GALNTL6: variants seen among roughly 807,000 people sequenced by gnomAD.
GALNTL6 encodes polypeptide N-acetylgalactosaminyltransferase-like 6.
In GALNTL6, 46 loss-of-function variants were observed where a neutral mutation model predicts 73.7. That is an observed-to-expected ratio of 0.62 (90% CI 0.49 to 0.80). GALNTL6 has a LOEUF of 0.80. Ranked by LOEUF, GALNTL6 falls within the 30% of genes least tolerant of loss-of-function variation. The pLI is 0.00. For missense variants in GALNTL6, 604 were observed against 755.0 expected, an observed-to-expected ratio of 0.80 and a Z score of 2.34; for synonymous variants, 259 against 263.7, an observed-to-expected ratio of 0.98 and a Z score of 0.17.
chr4:172,290,309 C>T (rs1256490040), intron 3 of GALNTL6, among the ~76,000 whole-genome samples: 1 of 152,134 alleles, frequency 6.6e-6, no homozygotes, highest in Non-Finnish European at 1.5e-5. Context: ...ACCATATTTG[C>T]TCTATCTGCA....
chr4:173,032,206 T>C (rs947143388), intron 12 of GALNTL6, among the ~76,000 whole-genome samples: 2 of 152,158 alleles, frequency 1.3e-5, no homozygotes, highest in African/African-American at 2.4e-5. Flanking sequence ...TCCCAGCACT[T>C]TGGGAGGCCG....
chr4:171,818,890 C>A (rs1465306977), intron 2 of GALNTL6, among the ~76,000 whole-genome samples: 1 of 151,950 alleles, frequency 6.6e-6, no homozygotes, highest in Non-Finnish European at 1.5e-5. Context: ...GGGGAGCCTT[C>A]TTTTTGAACA....
In GALNTL6 at chr4:172,892,533, G is replaced by A. The variant is rs564052255; in HGVS notation, c.1041+9626G>A. On this transcript the variant is annotated intron_variant, in intron 8 of 12. Coordinates refer to ENST00000506823, the MANE Select transcript of GALNTL6 (RefSeq NM_001034845.3). Reference sequence around the variant, plus strand: ...CCAGTAGACGGCGCTTAAGAGTAAGGGCCAGCAGATAGGCTCTTAGCCAAG... The same window carrying A: ...CCAGTAGACGGCGCTTAAGAGTAAGAGCCAGCAGATAGGCTCTTAGCCAAG... Among the ~76,000 whole-genome samples, 17 of 152,018 alleles carry A rather than the reference G, an allele frequency of 1.1e-4. No individual in the cohort carries two copies. The East Asian group carries it at 2.7e-3, about 24-fold the overall frequency.
chr4:172,400,741 G>C (rs1744006803), intron 5 of GALNTL6, among the ~76,000 whole-genome samples: 1 of 152,070 alleles, frequency 6.6e-6, no homozygotes, highest in Non-Finnish European at 1.5e-5. Flanking sequence ...CAGAAGGTTA[G>C]AGAGGAAAGC....
Position 172,635,359 on chromosome 4 carries a change from C to G in GALNTL6, c.554-174002C>G, listed in dbSNP as rs548550227. 9.2e-4 allele frequency among the ~76,000 whole-genome samples: 140 copies of G among 152,092 alleles called. 1 individual carries two copies. The South Asian group carries it at 0.021, about 23-fold the overall frequency. ...ACTGTCTCAGGTTAAATTTCTGGAACTTTATGGTAACTTGAAGGAATTTAA... is the reference window on the plus strand; with the variant it reads ...ACTGTCTCAGGTTAAATTTCTGGAAGTTTATGGTAACTTGAAGGAATTTAA... On this transcript the variant is annotated intron_variant, in intron 5 of 12. Transcript: ENST00000506823.
At chr4:172,606,593 C>CACATATAT (rs1337816197) in intron 5 of GALNTL6, among the ~76,000 whole-genome samples, 3 of 114,636 alleles carry the variant, frequency 2.6e-5, no homozygotes, top group Non-Finnish European at 3.7e-5. Flanking sequence ...TATATATATA[C>CACATATAT]ACATATATAC....
intron 10 of GALNTL6, among the ~76,000 whole-genome samples, chr4:173,000,052 C>G (rs1283728164): frequency 2.6e-5 from 4 of 152,126 alleles, no homozygotes; most frequent in Admixed American, 2.6e-4. Context: ...CTTACTACAT[C>G]TTGATACTAC....
chr4:171,819,981 G>A (rs115397614), intron 2 of GALNTL6, among the ~76,000 whole-genome samples: 1,921 of 152,190 alleles, frequency 0.013, 38 homozygotes, highest in African/African-American at 0.044. Flanking sequence ...TGACAGTAAA[G>A]ACACACTGTC....
chr4:172,167,997 G>A (rs556320116), intron 2 of GALNTL6, among the ~76,000 whole-genome samples: 1 of 150,888 alleles, frequency 6.6e-6, no homozygotes, highest in African/African-American at 2.4e-5. Context: ...AAACATTTCT[G>A]AGGCCAAATC....
chr4:171,935,836 A>G (rs1264944848), intron 2 of GALNTL6, among the ~76,000 whole-genome samples: 3 of 151,612 alleles, frequency 2.0e-5, no homozygotes, highest in Non-Finnish European at 2.9e-5. Flanking sequence ...TGTGGCTAGC[A>G]TTTTTGTTGC....
chr4:172,554,292 G>C (rs2110909414), intron 5 of GALNTL6, among the ~76,000 whole-genome samples: 1 of 152,250 alleles, frequency 6.6e-6, no homozygotes, highest in African/African-American at 2.4e-5. Context: ...TGGTGAATTG[G>C]TATGGTAAGG....
chr4:172,083,299 C>G (rs1023105018), intron 2 of GALNTL6, among the ~76,000 whole-genome samples: 2 of 152,142 alleles, frequency 1.3e-5, no homozygotes, highest in African/African-American at 4.8e-5. Context: ...AGAGACTGAT[C>G]CTTTTTATAC....
intron 5 of GALNTL6, among the ~76,000 whole-genome samples, chr4:172,722,102 T>A (rs1180501688): frequency 6.6e-6 from 1 of 152,088 alleles, no homozygotes; most frequent in Non-Finnish European, 1.5e-5. Context: ...ATCTTTTGTG[T>A]ACCCAGCAAT....
intron 7 of GALNTL6, among the ~76,000 whole-genome samples, chr4:172,854,503 A>G (rs929169715): frequency 6.6e-6 from 1 of 152,192 alleles, no homozygotes; most frequent in African/African-American, 2.4e-5. Context: ...TTATAAGAAT[A>G]TACATCATTA....
At chr4:172,903,712 T>A (rs958043486) in intron 8 of GALNTL6, among the ~76,000 whole-genome samples, 3 of 152,164 alleles carry the variant, frequency 2.0e-5, no homozygotes, top group Non-Finnish European at 2.9e-5. Flanking sequence ...TAGTTTGAGG[T>A]CCTTCAAGTT....
intron 5 of GALNTL6, among the ~76,000 whole-genome samples, chr4:172,672,006 T>G (rs1364025539): frequency 6.6e-6 from 1 of 152,174 alleles, no homozygotes; most frequent in African/African-American, 2.4e-5. Flanking sequence ...TTCTCATGCA[T>G]CAGTCTCCTG....
intron 3 of GALNTL6, among the ~76,000 whole-genome samples, chr4:172,241,570 G>A (rs2110993599): frequency 6.6e-6 from 1 of 152,264 alleles, no homozygotes; most frequent in Admixed American, 6.5e-5. Flanking sequence ...TTATTTTGGT[G>A]TTAGCATTGG....
chr4:172,411,828 G>T (rs1744447818), intron 5 of GALNTL6, among the ~76,000 whole-genome samples: 1 of 152,036 alleles, frequency 6.6e-6, no homozygotes, highest in African/African-American at 2.4e-5. Context: ...TGTGCCAGTT[G>T]CTTTATAGGC....
At chr4:172,173,211 C>T (rs2110827248) in intron 2 of GALNTL6, among the ~76,000 whole-genome samples, 1 of 152,310 alleles carries the variant, frequency 6.6e-6, no homozygotes, top group East Asian at 1.9e-4. Flanking sequence ...ATCGGGGCAA[C>T]ATGTTTCAGT....
Sources: gnomAD v4.1 joint callset for allele counts (sites outside exome capture counted in the v4.1 genomes callset) on GRCh38, gnomAD v4.1.1 for gene constraint, MANE v1.5 for transcripts, NCBI Gene and HGNC (gene_info 2026-07-23, HGNC 2026-07-21) for gene names.